The following CORO2B variants were observed in gnomAD, a reference collection of about 807,000 sequenced individuals.
CORO2B encodes the protein coronin 2B, also known as coronin-2B.
CORO2B carries 26 observed loss-of-function variants against 58.8 expected under a neutral mutation model. The ratio of observed to expected loss-of-function variants is 0.44; its 90% CI spans 0.32 to 0.61. The LOEUF (loss-of-function observed/expected upper bound fraction) is 0.61. Among genes scored for constraint, CORO2B ranks in the 20% least tolerant of loss-of-function variants. The pLI is 0.04. For missense variants in CORO2B, 460 were observed against 645.1 expected, an observed-to-expected ratio of 0.71 and a Z score of 3.11; for synonymous variants, 242 against 253.8, an observed-to-expected ratio of 0.95 and a Z score of 0.44.
chr15:68,531,500 A>AAAGG, the CORO2B span, among the ~76,000 whole-genome samples: 834 of 113,806 alleles, frequency 7.3e-3, 6 homozygotes, highest in African/African-American at 7.8e-3. Context: ...GTATCTCAAA[A>AAAGG]AAGGAAGGAA....
chr15:68,683,611 A>T (rs1055374430), intron 2 of CORO2B, among the ~76,000 whole-genome samples: 1 of 151,936 alleles, frequency 6.6e-6, no homozygotes, highest in East Asian at 1.9e-4. Context: ...GTGGGACTGG[A>T]TATTGGGAGC....
the CORO2B span, among the ~76,000 whole-genome samples, chr15:68,518,775 G>C: frequency 3.4e-3 from 516 of 152,250 alleles, 3 homozygotes; most frequent in Admixed American, 5.0e-3. Flanking sequence ...GTGGGGGGCT[G>C]CTGAAGGAAA....
chr15:68,719,318 C>T (rs900322583), intron 10 of CORO2B, 84 bp downstream of exon 10: 3 of 1,596,970 alleles, frequency 1.9e-6, no homozygotes, highest in African/African-American at 2.7e-5. Flanking sequence ...CCTTGTCTGT[C>T]CCCCTGTTTG....
Position 68,726,095 on chromosome 15 carries a change from C to A in CORO2B, c.*121C>A. On this transcript the variant is annotated 3_prime_UTR_variant, in exon 12 of 12. Transcript: ENST00000261861. ...ACAGGAGTGGGGGCCAGCCTGAGGA[C>A]CCCCGCCTACCACCTCGAGAACTGG... The A allele has an allele frequency of 2.3e-6, 3 of 1,284,594 alleles. No homozygotes were observed. Among genetic ancestry groups the A allele is most frequent in the South Asian group, 1.3e-5 (1 of 75,308 alleles). 79.6% of individuals were successfully genotyped at this position (1,284,594 alleles called of 1,614,324 possible).
At chr15:68,597,042 C>G (rs1019146662) in intron 1 of CORO2B, among the ~76,000 whole-genome samples, 1 of 152,164 alleles carries the variant, frequency 6.6e-6, no homozygotes, top group Non-Finnish European at 1.5e-5. Flanking sequence ...CACCTCGAGT[C>G]CAACCTCATT....
At chr15:68,601,010 G>T (rs1203968734) in intron 1 of CORO2B, among the ~76,000 whole-genome samples, 5 of 152,200 alleles carry the variant, frequency 3.3e-5, no homozygotes, top group Non-Finnish European at 5.9e-5. Context: ...AAAGGGAGAG[G>T]ACACCTCCTA....
chr15:68,578,600 C>G (rs2140550478), upstream of CORO2B, among the ~76,000 whole-genome samples: 1 of 152,198 alleles, frequency 6.6e-6, no homozygotes, highest in Admixed American at 6.5e-5. This position sits in a 1 kb window ranked among gnomAD's most constrained non-coding sequence, Gnocchi z 4.2. Context: ...GCCGACTTTG[C>G]GAGCCTCCAG....
intron 8 of CORO2B, 139 bp from the exon 9 acceptor site, chr15:68,718,559 C>G (rs1893085155): frequency 1.4e-6 from 1 of 699,396 alleles, no homozygotes; most frequent in Non-Finnish European, 2.5e-6. Flanking sequence ...CCCGGTCTAC[C>G]CCCTGCCCTC....
chr15:68,578,785 A>G (rs1400286489), upstream of CORO2B, among the ~76,000 whole-genome samples: 1 of 151,900 alleles, frequency 6.6e-6, no homozygotes, highest in African/African-American at 2.4e-5. This position sits in a 1 kb window ranked among gnomAD's most constrained non-coding sequence, Gnocchi z 4.2. Context: ...GCAGGCCCGA[A>G]GGGGTTAAGG....
Position 68,695,805 on chromosome 15 carries a change from G to C in CORO2B, c.333+549G>C, listed in dbSNP as rs529928111. Among the ~76,000 whole-genome samples the C allele has an allele frequency of 1.4e-4, 21 of 152,278 alleles. No individual in the cohort carries two copies. The South Asian group carries it at 4.1e-3, about 30-fold the overall frequency. ...CATGTGTCCCACCATTCAATGAGAA[G>C]AGAGAAGAAACAGGAGAAGGGAGAT... is the stretch of plus-strand genomic sequence containing the variant. On this transcript the variant is annotated intron_variant, in intron 3 of 11. Coordinates refer to ENST00000261861, the MANE Select transcript of CORO2B (RefSeq NM_006091.5).
chr15:68,635,961 A>G (rs923698485), intron 1 of CORO2B, among the ~76,000 whole-genome samples: 1 of 152,352 alleles, frequency 6.6e-6, no homozygotes, highest in Non-Finnish European at 1.5e-5. Context: ...CCTGCCCTCA[A>G]CAGCAGCCAG....
intron 2 of CORO2B, among the ~76,000 whole-genome samples, chr15:68,693,095 G>A (rs192976484): frequency 6.6e-6 from 1 of 152,240 alleles, no homozygotes; most frequent in East Asian, 1.9e-4. Flanking sequence ...TACAACATCA[G>A]TGAAATTCTC....
the CORO2B span, among the ~76,000 whole-genome samples, chr15:68,542,819 T>C: frequency 2.0e-5 from 3 of 152,260 alleles, no homozygotes; most frequent in Non-Finnish European, 2.9e-5. Context: ...AGTGCTACCA[T>C]GTGCCTGGAA....
rs369286922 is a variant in CORO2B at position 68,597,617 on chromosome 15, T to TCC, written c.15+18346_15+18347dup. Among the ~76,000 whole-genome samples the TCC allele has an allele frequency of 7.6e-3, 1,057 of 139,214 alleles. 17 individuals carry two copies. Among genetic ancestry groups the TCC allele is most frequent in the African/African-American group, 0.026 (931 of 36,264 alleles). The allele number at this position is 139,214 out of a possible 152,430, so 91.3% of individuals were successfully genotyped here. ...CAATCACTTCTCCCTAATTTCTGTT[T>TCC]CCCCCCCATCAAAAAAAAAAAAATA... On this transcript the variant is annotated intron_variant, in intron 1 of 11. Transcript: ENST00000261861.
At chr15:68,683,137 T>C (rs1902843625) in intron 2 of CORO2B, among the ~76,000 whole-genome samples, 2 of 152,190 alleles carry the variant, frequency 1.3e-5, no homozygotes, top group Admixed American at 1.3e-4. Context: ...CTCCTGACCT[T>C]GACGGAGCTC....
In CORO2B at chr15:68,647,060, C is replaced by G. The variant is rs1901456277; in HGVS notation, c.216+1700C>G. 2.6e-5 allele frequency among the ~76,000 whole-genome samples: 4 copies of G among 152,194 alleles called. No individual in the cohort carries two copies. In the South Asian group the frequency reaches 8.3e-4, roughly 32 times the overall value. On this transcript the variant is annotated intron_variant, in intron 2 of 11. Coordinates refer to ENST00000261861, the MANE Select transcript of CORO2B (RefSeq NM_006091.5). ...TCCACTTTAGGCTCACAAGGGTCAA[C>G]AAGCAATACCTCACATCATGACAAA...
At chr15:68,662,012 A>AT in intron 2 of CORO2B, among the ~76,000 whole-genome samples, 1 of 150,454 alleles carries the variant, frequency 6.6e-6, no homozygotes, top group African/African-American at 2.5e-5. Context: ...GTCTCAATAA[A>AT]TAAATAAATA....
chr15:68,696,285 A>C (rs1302515366), intron 3 of CORO2B, among the ~76,000 whole-genome samples: 1 of 151,658 alleles, frequency 6.6e-6, no homozygotes, highest in Non-Finnish European at 1.5e-5. Context: ...ATGGTGGCAC[A>C]TGCCTGTAAT....
At chr15:68,575,240 C>T (rs1053248170), upstream of CORO2B, among the ~76,000 whole-genome samples, 2 of 152,132 alleles carry the variant, frequency 1.3e-5, no homozygotes, top group African/African-American at 4.8e-5. Context: ...TAAACACCCG[C>T]TAGGCTGACA....
Sources: gnomAD v4.1 joint callset for allele counts (sites outside exome capture counted in the v4.1 genomes callset) on GRCh38, gnomAD v4.1.1 for gene constraint, Gnocchi (gnomAD v3.1) non-coding constraint, MANE v1.5 for transcripts, NCBI Gene and HGNC (gene_info 2026-07-23, HGNC 2026-07-21) for gene names.